Variants in FGF13 observed in about 807,000 individuals in gnomAD.
FGF13 encodes the protein fibroblast growth factor 13.
A neutral mutation model predicts 19.5 loss-of-function variants in FGF13; 2 were observed. The ratio of observed to expected loss-of-function variants is 0.10; its 90% CI spans 0.04 to 0.32. The LOEUF (loss-of-function observed/expected upper bound fraction) is 0.32, where lower values mean the gene tolerates loss of function less well. Among genes scored for constraint, FGF13 ranks in the 10% least tolerant of loss-of-function variants. FGF13 has a pLI of 1.00. For missense variants in FGF13, 113 were observed against 192.7 expected (o/e 0.59, Z 2.45); for synonymous variants, 72 against 76.9 (o/e 0.94, Z 0.33).
rs2089064524 is a variant in FGF13 at position 138,626,469 on chromosome X, T to A, written c.*6381A>T. 8.9e-6 allele frequency: 1 copy of A among 112,474 alleles called. No individual in the cohort carries two copies. Among genetic ancestry groups the A allele is most frequent in the Non-Finnish European group, 1.9e-5 (1 of 53,305 alleles). The allele number at this position is 112,474 out of a possible 1,213,427, so 9.3% of individuals were successfully genotyped here. A position where few individuals can be genotyped will look rare whatever the true frequency, so the allele number is the denominator to read the frequency against. On this transcript the variant is annotated 3_prime_UTR_variant, in exon 5 of 5. Coordinates refer to ENST00000315930, the MANE Select transcript of FGF13 (RefSeq NM_004114.5). ...ACATTAACTCTTCTTTGAAAATGTTTAAATTTCCCTAATCAAAAATTTTTC... is the reference window on the plus strand; with the variant it reads ...ACATTAACTCTTCTTTGAAAATGTTAAAATTTCCCTAATCAAAAATTTTTC...
chrX:139,152,754 G>A (rs1286162292), intron 1 of FGF13, among the ~76,000 whole-genome samples: 4 of 110,620 alleles, frequency 3.6e-5, no homozygotes, highest in African/African-American at 1.3e-4. Context: ...ACTGAATTTC[G>A]TGCTGTTTTT....
intron 1 of FGF13, among the ~76,000 whole-genome samples, chrX:139,072,276 TACACACACACACACACAC>T (rs761988012): frequency 2.0e-5 from 2 of 99,074 alleles, no homozygotes; most frequent in Non-Finnish European, 4.1e-5. Context: ...TCTCTCTCTC[TACACACACACACACACAC>T]ACACACACAC....
chrX:138,917,544 C>T (rs926305382), intron 1 of FGF13, among the ~76,000 whole-genome samples: 1 of 111,866 alleles, frequency 8.9e-6, no homozygotes, highest in African/African-American at 3.3e-5. Context: ...CTAACTAAGA[C>T]ACCCACACTT....
chrX:138,751,563 G>A (rs933059129), intron 3 of FGF13, among the ~76,000 whole-genome samples: 1 of 111,492 alleles, frequency 9.0e-6, no homozygotes, highest in Non-Finnish European at 1.9e-5. Context: ...TTATATCATT[G>A]AAAGGCACTA....
At chrX:139,107,299 C>T (rs998786141) in intron 1 of FGF13, among the ~76,000 whole-genome samples, 1 of 111,693 alleles carries the variant, frequency 9.0e-6, no homozygotes, top group Non-Finnish European at 1.9e-5. Flanking sequence ...GATGGCTTTC[C>T]CTGAAACAAA....
chrX:139,004,207 G>A (rs780698934), intron 1 of FGF13, among the ~76,000 whole-genome samples: 110 of 112,819 alleles, frequency 9.8e-4, no homozygotes, highest in African/African-American at 2.3e-3. Context: ...GAAATCGAGC[G>A]CAGCGCCGGT....
intron 1 of FGF13, chrX:138,990,708 C>T (rs2092012216): frequency 9.0e-6 from 1 of 111,715 alleles, no homozygotes; most frequent in African/African-American, 3.3e-5. Context: ...AATCATCTCC[C>T]ACCGGGTTCC....
intron 1 of FGF13, among the ~76,000 whole-genome samples, chrX:139,159,109 A>T (rs2084005729): frequency 1.8e-5 from 2 of 112,450 alleles, no homozygotes; most frequent in East Asian, 5.6e-4. Context: ...AGGGAAGCCC[A>T]TCAGGCTAAC....
At chrX:139,098,505 A>G (rs2083485976) in intron 1 of FGF13, among the ~76,000 whole-genome samples, 1 of 111,767 alleles carries the variant, frequency 8.9e-6, no homozygotes, top group South Asian at 3.8e-4. Flanking sequence ...GTACATATAT[A>G]TCATGTATAT....
At chrX:139,145,261 G>C (rs1002343318) in intron 1 of FGF13, among the ~76,000 whole-genome samples, 2 of 111,385 alleles carry the variant, frequency 1.8e-5, no homozygotes, top group Non-Finnish European at 3.8e-5. Context: ...AATCAAATCA[G>C]CATCAAATCA....
intron 1 of FGF13, among the ~76,000 whole-genome samples, chrX:139,149,801 C>T (rs1032677037): frequency 5.4e-5 from 6 of 111,946 alleles, no homozygotes; most frequent in African/African-American, 1.6e-4. Flanking sequence ...TGTACATACT[C>T]TCCATAAACT....
chrX:139,204,433 C>T (rs2084448991), upstream of FGF13, among the ~76,000 whole-genome samples: 1 of 112,849 alleles, frequency 8.9e-6, no homozygotes, highest in African/African-American at 3.2e-5. Context: ...CCCGCGCCCT[C>T]AGCTTCTGCC....
At chrX:139,025,228 T>A (rs1254123082) in intron 1 of FGF13, among the ~76,000 whole-genome samples, 1 of 111,924 alleles carries the variant, frequency 8.9e-6, no homozygotes, top group South Asian at 3.7e-4. Flanking sequence ...CATGCAAATC[T>A]GGAAGTTTGG....
In FGF13 at chrX:138,617,435, C is replaced by T. The variant is rs192625141; in HGVS notation, c.*15415G>A. On this transcript the variant is annotated 3_prime_UTR_variant, in exon 5 of 5. Transcript: ENST00000315930. ...TGAATATAATCAACTAACTTGCAAC[C>T]GTAAGTTGGAGATTGTATCAAATTT... is the stretch of plus-strand genomic sequence containing the variant. The T allele has an allele frequency of 4.5e-5, 5 of 111,584 alleles. No individual in the cohort carries two copies. The South Asian group carries it at 1.5e-3, about 33-fold the overall frequency. The allele number at this position is 111,584 out of a possible 1,213,427, so 9.2% of individuals were successfully genotyped here.
At chrX:139,194,050 A>G (rs893477784) in intron 1 of FGF13, among the ~76,000 whole-genome samples, 8 of 112,167 alleles carry the variant, frequency 7.1e-5, no homozygotes, top group Non-Finnish European at 1.3e-4. Context: ...AAGGATCTCA[A>G]GGAGGTGCAG....
chrX:138,847,958 C>T (rs779058575), intron 3 of FGF13, among the ~76,000 whole-genome samples: 1 of 111,759 alleles, frequency 8.9e-6, no homozygotes, highest in Non-Finnish European at 1.9e-5. Context: ...ATTGTCAGTA[C>T]TTTTCTGGCA....
At chrX:139,043,603 T>G (rs1258446319) in intron 1 of FGF13, among the ~76,000 whole-genome samples, 1 of 111,092 alleles carries the variant, frequency 9.0e-6, no homozygotes, top group African/African-American at 3.3e-5. Flanking sequence ...ACCCAGAGAT[T>G]CCACTGCTAG....
chrX:138,832,183 G>A (rs1025915170), intron 3 of FGF13, among the ~76,000 whole-genome samples: 1 of 112,089 alleles, frequency 8.9e-6, no homozygotes, highest in Non-Finnish European at 1.9e-5. Flanking sequence ...ATCCAGTAAT[G>A]GGATTGTTGA....
intron 1 of FGF13, among the ~76,000 whole-genome samples, chrX:138,963,509 GC>G (rs766922359): frequency 6.2e-5 from 7 of 112,252 alleles, no homozygotes; most frequent in Admixed American, 4.7e-4. Context: ...CTTGGTACTT[GC>G]CACCTACTAA....
Sources: allele counts gnomAD v4.1 joint callset (sites outside exome capture counted in the v4.1 genomes callset), GRCh38; gene constraint gnomAD v4.1.1; transcripts MANE v1.5; gene names NCBI Gene and HGNC (gene_info 2026-07-23, HGNC 2026-07-21).